The following PPFIA2 variants were observed in gnomAD, a reference collection of about 807,000 sequenced individuals.
PPFIA2 encodes PPFI scaffold protein A2.
Under a neutral mutation model 175.5 loss-of-function variants are expected in PPFIA2, and 46 were observed. The ratio of observed to expected loss-of-function variants is 0.26; its 90% CI spans 0.21 to 0.34. The LOEUF (loss-of-function observed/expected upper bound fraction) is 0.34, where lower values mean the gene tolerates loss of function less well. Among genes scored for constraint, PPFIA2 ranks in the 10% least tolerant of loss-of-function variants. The probability of loss-of-function intolerance (pLI) is 1.00; values close to 1 mark genes in which losing one functional copy is unlikely to be tolerated. For missense variants in PPFIA2, 1,179 were observed against 1,506.1 expected (o/e 0.78, Z 3.60); for synonymous variants, 568 against 511.4 (o/e 1.11, Z -1.49).
Position 81,314,144 on chromosome 12 carries a change from T to G in PPFIA2, c.2642+11633A>C, listed in dbSNP as rs541365641. 2.0e-5 allele frequency among the ~76,000 whole-genome samples: 3 copies of G among 152,032 alleles called. No individual in the cohort carries two copies. The East Asian group carries it at 5.8e-4, about 29-fold the overall frequency. ...AATGTTAAGAATTTCACCTCATGAC[T>G]TTCAAACAAATGTGTTCTGCAAAAG... On this transcript the variant is annotated intron_variant, in intron 22 of 32. Transcript: ENST00000549396.
chr12:81,499,349 T>C (rs2060351388), intron 4 of PPFIA2, among the ~76,000 whole-genome samples: 1 of 152,216 alleles, frequency 6.6e-6, no homozygotes, highest in African/African-American at 2.4e-5. Flanking sequence ...TAACTCTTAT[T>C]ATCTCTTTCA....
chr12:81,688,631 G>A (rs1180569350), intron 3 of PPFIA2, among the ~76,000 whole-genome samples: 3 of 150,444 alleles, frequency 2.0e-5, no homozygotes, highest in South Asian at 2.1e-4. Flanking sequence ...TTAGCCTATC[G>A]GAAGTGATTT....
intron 4 of PPFIA2, among the ~76,000 whole-genome samples, chr12:81,479,779 T>G (rs142198761): frequency 6.6e-6 from 1 of 152,152 alleles, no homozygotes; most frequent in Non-Finnish European, 1.5e-5. Context: ...AGATCCGTGG[T>G]TAGTCTGATG....
chr12:81,554,863 T>A (rs1380022431), intron 4 of PPFIA2, among the ~76,000 whole-genome samples: 1 of 151,990 alleles, frequency 6.6e-6, no homozygotes, highest in Non-Finnish European at 1.5e-5. Context: ...TATACCAAAG[T>A]TTTTCTTGTT....
At chr12:81,559,657 T>C (rs1209898404) in intron 4 of PPFIA2, among the ~76,000 whole-genome samples, 2 of 152,168 alleles carry the variant, frequency 1.3e-5, no homozygotes, top group Non-Finnish European at 2.9e-5. Flanking sequence ...GTGTCAAGGA[T>C]TTCTCAAAAA....
At chr12:81,281,979 G>A (rs2042183854) in intron 26 of PPFIA2, among the ~76,000 whole-genome samples, 1 of 152,006 alleles carries the variant, frequency 6.6e-6, no homozygotes. Flanking sequence ...TAGCAAAGCA[G>A]GTCGTCAGCT....
At chr12:81,585,815 TATTATC>T (rs1162857009) in intron 4 of PPFIA2, among the ~76,000 whole-genome samples, 1 of 151,926 alleles carries the variant, frequency 6.6e-6, no homozygotes, top group Non-Finnish European at 1.5e-5. Context: ...CATAGAAGTT[TATTATC>T]ATTATCAAGT....
At chr12:81,703,218 G>T (rs1202109850) in intron 3 of PPFIA2, among the ~76,000 whole-genome samples, 1 of 152,074 alleles carries the variant, frequency 6.6e-6, no homozygotes, top group Admixed American at 6.6e-5. Flanking sequence ...CTGAGCTACA[G>T]ATTTTTATAG....
At chr12:81,612,651 G>A (rs955903776) in intron 4 of PPFIA2, among the ~76,000 whole-genome samples, 2 of 152,016 alleles carry the variant, frequency 1.3e-5, no homozygotes, top group Non-Finnish European at 2.9e-5. Context: ...TGAACAAAAA[G>A]GCATGTCAAA....
chr12:81,649,333 A>T (rs1036255028), intron 4 of PPFIA2, among the ~76,000 whole-genome samples: 1 of 152,200 alleles, frequency 6.6e-6, no homozygotes, highest in Non-Finnish European at 1.5e-5. Flanking sequence ...CAATGTCATT[A>T]CTTAACAAGA....
chr12:81,669,208 G>GT (rs569109714), intron 4 of PPFIA2, among the ~76,000 whole-genome samples: 156 of 151,720 alleles, frequency 1.0e-3, no homozygotes, highest in Middle Eastern at 3.4e-3. Flanking sequence ...GATTTTGTAA[G>GT]TTTTTTTTCA....
Position 81,372,016 on chromosome 12 carries a change from T to C in PPFIA2, c.1266+2618A>G, listed in dbSNP as rs142453393. ...TCAGACATCCCATCTAAATAATATA[T>C]ACTGGGACCAATTTTCAACCAACAC... On this transcript the variant is annotated intron_variant, in intron 11 of 32. Transcript: ENST00000549396. Among the ~76,000 whole-genome samples, 394 of 151,736 alleles carry C rather than the reference T, an allele frequency of 2.6e-3. 1 individual carries two copies. Among genetic ancestry groups the C allele is most frequent in the African/African-American group, 9.2e-3 (380 of 41,482 alleles).
chr12:81,557,779 C>G (rs1240422599), intron 4 of PPFIA2, among the ~76,000 whole-genome samples: 1 of 152,052 alleles, frequency 6.6e-6, no homozygotes, highest in East Asian at 1.9e-4. Context: ...TGAGCCTTCT[C>G]AAATTAAATG....
intron 14 of PPFIA2, among the ~76,000 whole-genome samples, chr12:81,366,108 T>C (rs2141360655): frequency 6.7e-6 from 1 of 148,504 alleles, no homozygotes; most frequent in Admixed American, 6.8e-5. Flanking sequence ...TTTCCTTCAT[T>C]CTCTTTTTCC....
At chr12:81,578,993 C>T (rs1257838102) in intron 4 of PPFIA2, among the ~76,000 whole-genome samples, 1 of 151,642 alleles carries the variant, frequency 6.6e-6, no homozygotes, top group Non-Finnish European at 1.5e-5. Context: ...AAAAATAATG[C>T]TCATTTTACA....
chr12:81,421,986 T>C (rs2143816225), intron 7 of PPFIA2, among the ~76,000 whole-genome samples: 1 of 151,396 alleles, frequency 6.6e-6, no homozygotes, highest in Non-Finnish European at 1.5e-5. Flanking sequence ...TCAGACAAAA[T>C]AGACTTTAAG....
chr12:81,636,243 G>A (rs986104881), intron 4 of PPFIA2, among the ~76,000 whole-genome samples: 1 of 149,120 alleles, frequency 6.7e-6, no homozygotes, highest in Non-Finnish European at 1.5e-5. Flanking sequence ...AAATCTGATT[G>A]TATCAATCAT....
At chr12:81,439,359 A>G (rs866369329) in intron 7 of PPFIA2, among the ~76,000 whole-genome samples, 1 of 151,602 alleles carries the variant, frequency 6.6e-6, no homozygotes, top group Non-Finnish European at 1.5e-5. Flanking sequence ...ATACATGTAT[A>G]TATAAACAAA....
intron 24 of PPFIA2, among the ~76,000 whole-genome samples, chr12:81,285,149 C>T (rs984689235): frequency 3.3e-5 from 5 of 152,070 alleles, no homozygotes; most frequent in African/African-American, 7.2e-5. Flanking sequence ...CGTACAGTTT[C>T]GAAACCAAAG....
Sources: gnomAD v4.1 joint callset for allele counts (sites outside exome capture counted in the v4.1 genomes callset) on GRCh38, gnomAD v4.1.1 for gene constraint, MANE v1.5 for transcripts, NCBI Gene and HGNC (gene_info 2026-07-23, HGNC 2026-07-21) for gene names.